The following DPYD variants were observed in gnomAD, a reference collection of about 807,000 sequenced individuals.
DPYD encodes the protein dihydropyrimidine dehydrogenase.
In DPYD, 109 loss-of-function variants were observed where a neutral mutation model predicts 116.2. That is an observed-to-expected ratio of 0.94 (90% CI 0.80 to 1.10). DPYD has a LOEUF of 1.10. DPYD is among the 50% of genes least tolerant of loss of function. The pLI is 0.00. For synonymous variants in DPYD, 440 were observed against 432.0 expected (o/e 1.02, Z -0.23); for missense variants, 1,302 against 1,254.5 (o/e 1.04, Z -0.57).
At chr1:97,771,203 G>A (rs188152040) in intron 3 of DPYD, among the ~76,000 whole-genome samples, 32 of 152,214 alleles carry the variant, frequency 2.1e-4, no homozygotes, top group African/African-American at 7.7e-4. Flanking sequence ...GCGCCAGGGG[G>A]TAGTGGAGGT....
rs554713615 is a variant in DPYD at position 97,449,594 on chromosome 1, G to T, written c.1905+465C>A. ...GAAAAAAAAGATTTTATAAAAGATAGTTGACTAATTTAGTATAGGAGTGTT... is the reference window on the plus strand; with the variant it reads ...GAAAAAAAAGATTTTATAAAAGATATTTGACTAATTTAGTATAGGAGTGTT... On this transcript the variant is annotated intron_variant, in intron 14 of 22. Transcript: ENST00000370192. Among the ~76,000 whole-genome samples, 6 of 152,266 alleles carry T rather than the reference G, an allele frequency of 3.9e-5. No individual in the cohort carries two copies. The South Asian group carries it at 1.2e-3, about 32-fold the overall frequency.
chr1:97,822,236 C>CTA (rs972406547), intron 3 of DPYD, among the ~76,000 whole-genome samples: 5 of 148,880 alleles, frequency 3.4e-5, no homozygotes, highest in Admixed American at 6.7e-5. Flanking sequence ...CTCTCTCTCT[C>CTA]TATATATATA....
At chr1:97,620,120 T>C (rs1656543852) in intron 8 of DPYD, among the ~76,000 whole-genome samples, 1 of 152,144 alleles carries the variant, frequency 6.6e-6, no homozygotes, top group Non-Finnish European at 1.5e-5. Context: ...GCAATCACTA[T>C]TCCAATTGAT....
intron 8 of DPYD, among the ~76,000 whole-genome samples, chr1:97,654,738 A>C (rs572529447): frequency 6.6e-5 from 10 of 152,322 alleles, no homozygotes; most frequent in Non-Finnish European, 1.0e-4. Flanking sequence ...TAGTCAATAA[A>C]AATGACTATG....
intron 16 of DPYD, among the ~76,000 whole-genome samples, chr1:97,362,688 A>C (rs1415814986): frequency 6.6e-6 from 1 of 152,192 alleles, no homozygotes; most frequent in Non-Finnish European, 1.5e-5. Context: ...ACCTGACGAA[A>C]ACAAGAAATG....
chr1:97,100,192 G>A (rs1220416731), intron 20 of DPYD, among the ~76,000 whole-genome samples: 1 of 151,958 alleles, frequency 6.6e-6, no homozygotes, highest in East Asian at 1.9e-4. Context: ...AAATAAATAA[G>A]AGTATAAAAC....
intron 8 of DPYD, among the ~76,000 whole-genome samples, chr1:97,635,933 C>T (rs963020218): frequency 7.2e-5 from 11 of 152,118 alleles, no homozygotes; most frequent in African/African-American, 2.7e-4. Flanking sequence ...AATCTTCCCA[C>T]CTCAGCCTCC....
chr1:97,151,229 G>A (rs528757447), intron 20 of DPYD, among the ~76,000 whole-genome samples: 1 of 152,268 alleles, frequency 6.6e-6, no homozygotes, highest in Non-Finnish European at 1.5e-5. Flanking sequence ...TACTGTATTT[G>A]AGAACATATA....
At chr1:97,873,878 T>C (rs777954806) in intron 2 of DPYD, among the ~76,000 whole-genome samples, 12 of 151,886 alleles carry the variant, frequency 7.9e-5, no homozygotes, top group Admixed American at 2.0e-4. Flanking sequence ...GTGAACAAAA[T>C]AGGTCTTCAC....
chr1:97,349,592 C>T (rs1000262505), intron 16 of DPYD, among the ~76,000 whole-genome samples: 9 of 151,886 alleles, frequency 5.9e-5, no homozygotes, highest in East Asian at 1.9e-4. Context: ...TGAGAAAATG[C>T]GGTGTTTGGT....
intron 12 of DPYD, among the ~76,000 whole-genome samples, chr1:97,542,260 A>C (rs2102059369): frequency 6.6e-6 from 1 of 152,310 alleles, no homozygotes; most frequent in East Asian, 1.9e-4. Context: ...TGAAATAAAA[A>C]GGAGTTGCTG....
intron 21 of DPYD, among the ~76,000 whole-genome samples, 157 bp downstream of exon 21, chr1:97,098,332 A>C (rs1650414997): frequency 2.0e-5 from 3 of 152,282 alleles, no homozygotes; most frequent in African/African-American, 7.2e-5. Flanking sequence ...TTTATAATTT[A>C]AATGCAGTTT....
At chr1:97,643,861 C>T (rs1408251233) in intron 8 of DPYD, among the ~76,000 whole-genome samples, 1 of 152,014 alleles carries the variant, frequency 6.6e-6, no homozygotes, top group Non-Finnish European at 1.5e-5. Flanking sequence ...CATGTTCTCA[C>T]TCATAAGTGG....
intron 2 of DPYD, among the ~76,000 whole-genome samples, chr1:97,860,110 A>T (rs917971861): frequency 1.3e-5 from 2 of 152,152 alleles, no homozygotes; most frequent in African/African-American, 4.8e-5. Flanking sequence ...TGGGAGGCCA[A>T]GGCAGGCCGA....
At chr1:97,693,432 C>A (rs1450604691) in intron 6 of DPYD, among the ~76,000 whole-genome samples, 4 of 151,608 alleles carry the variant, frequency 2.6e-5, no homozygotes, top group Non-Finnish European at 5.9e-5. Context: ...AGGCATAGGG[C>A]AGGGATAAAA....
At chr1:97,484,267 G>A (rs1316348299) in intron 13 of DPYD, among the ~76,000 whole-genome samples, 1 of 152,204 alleles carries the variant, frequency 6.6e-6, no homozygotes, top group Non-Finnish European at 1.5e-5. Context: ...TAGCACCACT[G>A]CATTCCAGTC....
chr1:97,554,170 G>A lies in DPYD; in HGVS notation c.1340-4426C>T, dbSNP rs1186593628. 1.3e-5 allele frequency among the ~76,000 whole-genome samples: 2 copies of A among 152,030 alleles called. 1 individual carries two copies. The highest frequency in any genetic ancestry group is 2.9e-5 in the Non-Finnish European group (2 of 67,980). ...AAAATTGCAGAAACCGTCCCTCAGG[G>A]ACACATCACTAGCAGATGCAGATTG... is the stretch of plus-strand genomic sequence containing the variant. On this transcript the variant is annotated intron_variant, in intron 11 of 22. Transcript: ENST00000370192.
At chr1:97,570,229 T>A (rs148992909) in intron 11 of DPYD, among the ~76,000 whole-genome samples, 16 of 152,118 alleles carry the variant, frequency 1.1e-4, no homozygotes, top group Non-Finnish European at 7.4e-5. Context: ...AGCTTAGCTT[T>A]TCAAGTTCTT....
intron 7 of DPYD, among the ~76,000 whole-genome samples, chr1:97,687,274 T>C (rs942205841): frequency 6.6e-6 from 1 of 151,886 alleles, no homozygotes; most frequent in Non-Finnish European, 1.5e-5. Flanking sequence ...CCATCCTCCA[T>C]CTCAAACAAA....
Sources: allele counts gnomAD v4.1 joint callset (sites outside exome capture counted in the v4.1 genomes callset), GRCh38; gene constraint gnomAD v4.1.1; transcripts MANE v1.5; gene names NCBI Gene and HGNC (gene_info 2026-07-23, HGNC 2026-07-21).